IFRD1: variants seen among roughly 807,000 people sequenced by gnomAD.
The protein encoded by IFRD1 is interferon-related developmental regulator 1.
In IFRD1, 35 loss-of-function variants were observed where a neutral mutation model predicts 52.9. That is an observed-to-expected ratio of 0.66 (90% confidence interval 0.51 to 0.88). The LOEUF is 0.88. Ranked by LOEUF, IFRD1 falls within the 40% of genes least tolerant of loss-of-function variation. IFRD1 has a pLI of 0.00. For synonymous variants in IFRD1, 184 were observed against 188.4 expected, an observed-to-expected ratio of 0.98 and a Z score of 0.19; for missense variants, 517 against 550.8, an observed-to-expected ratio of 0.94 and a Z score of 0.61.
intron 1 of IFRD1, among the ~76,000 whole-genome samples, chr7:112,454,195 G>A (rs752238695): frequency 1.5e-4 from 22 of 151,694 alleles, no homozygotes; most frequent in Non-Finnish European, 2.1e-4. Flanking sequence ...AACAGCATTG[G>A]TACTTTTTTT....
At chr7:112,450,914 T>C in intron 1 of IFRD1, 132 bp downstream of exon 1, 1 of 718,988 alleles carries the variant, frequency 1.4e-6, no homozygotes, top group South Asian at 1.6e-5. Flanking sequence ...GTGGTTTGGC[T>C]ACTGAACTAC....
intron 8 of IFRD1, among the ~76,000 whole-genome samples, chr7:112,463,743 G>A (rs1795524696): frequency 6.6e-6 from 1 of 151,610 alleles, no homozygotes; most frequent in South Asian, 2.1e-4. Context: ...TTAAAATGAA[G>A]TCATAATGCA....
chr7:112,449,781 T>C (rs981979855), upstream of IFRD1, among the ~76,000 whole-genome samples: 9 of 128,514 alleles, frequency 7.0e-5, no homozygotes, highest in Non-Finnish European at 9.4e-5. Context: ...GAATCTGAGA[T>C]ATACACGAAC....
chr7:112,447,948 G>C (rs956692076), upstream of IFRD1, among the ~76,000 whole-genome samples: 1 of 152,016 alleles, frequency 6.6e-6, no homozygotes, highest in African/African-American at 2.4e-5. Flanking sequence ...ATGTATGTAT[G>C]TAGTGATACA....
chr7:112,426,602 C>G (rs924906783), intron 1 of IFRD1, among the ~76,000 whole-genome samples: 1 of 152,212 alleles, frequency 6.6e-6, no homozygotes, highest in Non-Finnish European at 1.5e-5. Flanking sequence ...CACCCCTCCT[C>G]TTGGCCAAGG....
chr7:112,460,364 C>T (rs777232979), intron 5 of IFRD1, among the ~76,000 whole-genome samples: 17 of 150,866 alleles, frequency 1.1e-4, no homozygotes, highest in Non-Finnish European at 1.6e-4. Context: ...CCTGCCTCAG[C>T]CTCCTGAGTA....
At chr7:112,428,285 T>C (rs950063821) in intron 1 of IFRD1, among the ~76,000 whole-genome samples, 1 of 152,100 alleles carries the variant, frequency 6.6e-6, no homozygotes, top group African/African-American at 2.4e-5. Context: ...GAAGCTTTAA[T>C]GAAGAGTATT....
At chr7:112,463,803 T>A (rs28428788) in intron 8 of IFRD1, among the ~76,000 whole-genome samples, 1 of 151,256 alleles carries the variant, frequency 6.6e-6, no homozygotes, top group Admixed American at 6.6e-5. Flanking sequence ...AACATATATA[T>A]AGACACATAC....
chr7:112,457,171 A>G (rs778104593), intron 4 of IFRD1, 133 bp downstream of exon 4: 28 of 891,514 alleles, frequency 3.1e-5, no homozygotes, highest in Non-Finnish European at 4.5e-5. Flanking sequence ...GGAGTGCACC[A>G]TCTTGTTATG....
upstream of IFRD1, among the ~76,000 whole-genome samples, chr7:112,449,835 G>C (rs941361006): frequency 1.1e-4 from 16 of 147,314 alleles, no homozygotes; most frequent in South Asian, 1.8e-3. Flanking sequence ...TTGGGGGGGG[G>C]GGGGGATGGG....
At position 112,455,790 on chromosome 7, in the gene IFRD1, T is replaced by C. The variant is rs927418711; in HGVS notation, c.122T>C (p.Phe41Ser). Reference protein sequence around the residue: ...AGGQHRNVQPFSDEDASIETM... With the variant: ...AGGQHRNVQPSSDEDASIETM... ...GGCCAGCATCGAAATGTTCAGCCTT[T>C]TAGTGATGAAGATGCATCAATTGAA... Residue 41 changes from phenylalanine (F) to serine (S), a missense_variant, in exon 2 of 12, where the codon TTT (phenylalanine) becomes TCT (serine). By Grantham distance (155) the Phe-to-Ser change is radical. Coordinates refer to ENST00000403825, the MANE Select transcript of IFRD1 (RefSeq NM_001550.4). The C allele has an allele frequency of 6.2e-7, 1 of 1,612,662 alleles. No homozygotes were observed. Among genetic ancestry groups the C allele is most frequent in the Non-Finnish European group, 8.5e-7 (1 of 1,178,810 alleles).
In IFRD1 at chr7:112,475,626, G is replaced by A. The variant is rs1277241700; in HGVS notation, c.*107G>A. 1 of 715,452 alleles carries A rather than the reference G, an allele frequency of 1.4e-6. No homozygotes were observed. Among genetic ancestry groups the A allele is most frequent in the African/African-American group, 1.8e-5 (1 of 56,220 alleles). The allele number at this position is 715,452 out of a possible 1,614,324, so 44.3% of individuals were successfully genotyped here. On this transcript the variant is annotated 3_prime_UTR_variant, in exon 12 of 12. Coordinates refer to ENST00000403825, the MANE Select transcript of IFRD1 (RefSeq NM_001550.4). The stretch of plus-strand genomic sequence containing the variant: ...TCCTGGATTAACTTAGATAACTTTT[G>A]TAGCAGTGGTTATATTGCTTATAAT...
At chr7:112,442,259 T>A (rs1176708412) in intron 1 of IFRD1, among the ~76,000 whole-genome samples, 1 of 152,212 alleles carries the variant, frequency 6.6e-6, no homozygotes, top group African/African-American at 2.4e-5. Flanking sequence ...ATTTCTCCTG[T>A]TAACCACTTT....
At position 112,458,976 on chromosome 7, in the gene IFRD1, A is replaced by T. The variant is rs758156347; in HGVS notation, c.525A>T (p.Lys175Asn). 1 of 1,613,956 alleles carries T rather than the reference A, an allele frequency of 6.2e-7. No individual in the cohort carries two copies. The highest frequency in any genetic ancestry group is 8.5e-7 in the Non-Finnish European group (1 of 1,179,870). Reference sequence around the variant, plus strand: ...AAACTCTTGGACCAATCCTAAAGAAAATCATTTGTGATGGGTCAGCTAGTA... The same window carrying T: ...AAACTCTTGGACCAATCCTAAAGAATATCATTTGTGATGGGTCAGCTAGTA... ...ILKTLGPILK[K>N]IICDGSASMQ... is the part of the protein sequence containing the mutation. The change falls in exon 5 of 12, where the codon AAA (lysine) becomes AAT (asparagine). Residue 175 changes from lysine to asparagine, a missense_variant. Coordinates refer to ENST00000403825, the MANE Select transcript of IFRD1 (RefSeq NM_001550.4).
At chr7:112,462,454 T>C (rs538855700) in intron 8 of IFRD1, 76 bp downstream of exon 8, 3 of 1,000,150 alleles carry the variant, frequency 3.0e-6, no homozygotes, top group African/African-American at 1.6e-5. Context: ...CAATTGAGAA[T>C]TGGGCAATAA....
intron 5 of IFRD1, chr7:112,461,557 G>T (rs1274264871): frequency 1.6e-5 from 3 of 186,274 alleles, no homozygotes; most frequent in African/African-American, 4.7e-5. Context: ...AGCTGCAATT[G>T]TTTCAGAAAT....
At chr7:112,458,742 C>A in intron 4 of IFRD1, 119 bp from the exon 5 acceptor site, 1 of 866,544 alleles carries the variant, frequency 1.2e-6, no homozygotes, top group Non-Finnish European at 1.9e-6. Context: ...AAGCCTGGAG[C>A]ATGGGGTTTC....
At chr7:112,468,331 T>C (rs1432408192) in intron 9 of IFRD1, among the ~76,000 whole-genome samples, 1 of 152,168 alleles carries the variant, frequency 6.6e-6, no homozygotes, top group Non-Finnish European at 1.5e-5. Flanking sequence ...TTATTTTAGT[T>C]TTTTTTCTTT....
chr7:112,443,853 A>G (rs1404218788), intron 1 of IFRD1, among the ~76,000 whole-genome samples: 1 of 139,850 alleles, frequency 7.2e-6, no homozygotes, highest in African/African-American at 2.8e-5. Flanking sequence ...CAAGAGTGAA[A>G]CTCTGTTTCA....
Sources: gnomAD v4.1 joint callset for allele counts (sites outside exome capture counted in the v4.1 genomes callset) on GRCh38, gnomAD v4.1.1 for gene constraint, MANE v1.5 for transcripts, NCBI Gene and HGNC (gene_info 2026-07-23, HGNC 2026-07-21) for gene names.